The following CLVS1 variants were observed in gnomAD, a reference collection of about 807,000 sequenced individuals.
CLVS1 encodes clavesin-1.
CLVS1 carries 10 observed loss-of-function variants against 33.1 expected under a neutral mutation model. The ratio of observed to expected loss-of-function variants is 0.30; its 90% CI spans 0.19 to 0.51. CLVS1 has a LOEUF of 0.51. Among genes scored for constraint, CLVS1 ranks in the 20% least tolerant of loss-of-function variants. CLVS1 has a pLI of 0.97. For synonymous variants in CLVS1, 163 were observed against 166.1 expected (o/e 0.98, Z 0.14); for missense variants, 343 against 433.4 (o/e 0.79, Z 1.85).
chr8:61,501,318 A>ACTT lies in CLVS1; in HGVS notation c.*1777_*1779dup, dbSNP rs1236058055. 3 of 152,188 alleles carry ACTT rather than the reference A, an allele frequency of 2.0e-5. No individual in the cohort carries two copies. The East Asian group carries it at 5.8e-4, about 29-fold the overall frequency. The allele number at this position is 152,188 out of a possible 1,614,324, so 9.4% of individuals were successfully genotyped here. Reference sequence around the variant, plus strand: ...GCTATTGGAGTCAATTATTGACAACACTTTGCAACAGTAATACCATTTCTA... The same window carrying ACTT: ...GCTATTGGAGTCAATTATTGACAACACTTCTTTGCAACAGTAATACCATTTCTA... On this transcript the variant is annotated 3_prime_UTR_variant, in exon 6 of 6. Transcript: ENST00000325897.
intron 5 of CLVS1, among the ~76,000 whole-genome samples, chr8:61,461,347 G>A (rs992210440): frequency 1.3e-5 from 2 of 152,092 alleles, no homozygotes; most frequent in African/African-American, 2.4e-5. Context: ...TAAATTTGAT[G>A]TTTGTTCTTG....
chr8:61,139,270 C>T (rs1427074933), intron 2 of CLVS1, among the ~76,000 whole-genome samples: 8 of 152,214 alleles, frequency 5.3e-5, no homozygotes, highest in African/African-American at 1.9e-4. Context: ...GCAGCGGAAC[C>T]GCAGGACCCC....
chr8:61,254,965 G>C (rs1282632376), intron 2 of CLVS1, among the ~76,000 whole-genome samples: 2 of 152,164 alleles, frequency 1.3e-5, no homozygotes, highest in Non-Finnish European at 2.9e-5. Flanking sequence ...ACCTCAGTTG[G>C]AAATGCAGAA....
chr8:61,310,564 GTC>G (rs1810796671), intron 2 of CLVS1, among the ~76,000 whole-genome samples: 1 of 152,174 alleles, frequency 6.6e-6, no homozygotes, highest in South Asian at 2.1e-4. Context: ...GTCACTTGAG[GTC>G]TCAAAATACT....
intron 3 of CLVS1, among the ~76,000 whole-genome samples, chr8:61,444,146 T>A (rs1816669990): frequency 6.6e-6 from 1 of 152,230 alleles, no homozygotes; most frequent in Non-Finnish European, 1.5e-5. Context: ...TTGGGATTTT[T>A]TAATGTAGAC....
intron 3 of CLVS1, among the ~76,000 whole-genome samples, chr8:61,452,850 A>G (rs1563559208): frequency 6.6e-6 from 1 of 152,248 alleles, no homozygotes; most frequent in Non-Finnish European, 1.5e-5. Context: ...AAAGTTTTTC[A>G]AATGGCAACC....
intron 2 of CLVS1, among the ~76,000 whole-genome samples, chr8:61,178,869 C>T (rs559402436): frequency 4.6e-4 from 70 of 152,220 alleles, no homozygotes; most frequent in South Asian, 1.9e-3. Flanking sequence ...AAAGGAAAAA[C>T]CAGTATCCAC....
chr8:61,348,484 AAAT>A (rs889268263), intron 2 of CLVS1, among the ~76,000 whole-genome samples: 13 of 152,222 alleles, frequency 8.5e-5, no homozygotes, highest in South Asian at 4.1e-4. Context: ...GTATAATAAA[AAAT>A]AATAATAATA....
At chr8:61,370,187 G>C (rs915313216) in intron 2 of CLVS1, among the ~76,000 whole-genome samples, 1 of 108,414 alleles carries the variant, frequency 9.2e-6, no homozygotes, top group Non-Finnish European at 2.3e-5. Flanking sequence ...TGGGCAAAGA[G>C]TTTTTTTATA....
intron 1 of CLVS1, among the ~76,000 whole-genome samples, chr8:61,121,298 G>A (rs1012296311): frequency 3.1e-4 from 47 of 151,912 alleles, no homozygotes; most frequent in East Asian, 1.4e-3. Flanking sequence ...AGATGAACCC[G>A]GTACCTCAGA....
intron 5 of CLVS1, among the ~76,000 whole-genome samples, chr8:61,463,782 T>C (rs975668500): frequency 6.6e-5 from 10 of 152,056 alleles, no homozygotes; most frequent in Non-Finnish European, 4.4e-5. Flanking sequence ...AATAAAAAGT[T>C]TGGGCCGGGT....
At position 61,263,506 on chromosome 8, in the gene CLVS1, C is replaced by T. The variant is rs146848287; in HGVS notation, c.-151-36171C>T. On this transcript the variant is annotated intron_variant, in intron 2 of 2. Transcript: ENST00000522621. ...TCAGTTCCTGTCTAACTCCTTTCGT[C>T]GGCTCTTATTTATAATCCATGATGT... Among the ~76,000 whole-genome samples the T allele has an allele frequency of 1.8e-3, 281 of 152,260 alleles. 1 individual carries two copies. The highest frequency in any genetic ancestry group is 6.4e-3 in the African/African-American group (264 of 41,554).
chr8:61,137,646 C>T (rs1194279112), intron 2 of CLVS1, among the ~76,000 whole-genome samples: 1 of 152,192 alleles, frequency 6.6e-6, no homozygotes, highest in East Asian at 1.9e-4. Flanking sequence ...TGTTTCTCTG[C>T]TATGTCCTCA....
rs1393951251 is a variant in CLVS1, at chr8:61,275,523, C to T, written c.-151-24154C>T. 3.3e-5 allele frequency among the ~76,000 whole-genome samples: 5 copies of T among 152,150 alleles called. No homozygotes were observed. The East Asian group carries it at 7.7e-4, about 23-fold the overall frequency. The stretch of plus-strand genomic sequence containing the variant: ...GTCAGAACAAACTAAAAATTTAGGT[C>T]GTTAATATAACACTTCATATATTTG... On this transcript the variant is annotated intron_variant, in intron 2 of 2. Transcript: ENST00000522621.
At chr8:61,470,928 C>T (rs190744757) in intron 5 of CLVS1, among the ~76,000 whole-genome samples, 13 of 152,282 alleles carry the variant, frequency 8.5e-5, no homozygotes, top group South Asian at 2.1e-4. Context: ...CCACTTAGAA[C>T]GCACCTCTCA....
At chr8:61,337,654 C>G (rs922657464) in intron 2 of CLVS1, among the ~76,000 whole-genome samples, 1 of 152,156 alleles carries the variant, frequency 6.6e-6, no homozygotes, top group Non-Finnish European at 1.5e-5. Flanking sequence ...ATGTGTCTTC[C>G]CATACAACCA....
intron 2 of CLVS1, among the ~76,000 whole-genome samples, chr8:61,354,512 C>A (rs1466727409): frequency 8.6e-5 from 13 of 151,940 alleles, no homozygotes; most frequent in Admixed American, 8.5e-4. Context: ...CCTATATTCA[C>A]AAAAAAGCCT....
chr8:61,176,049 A>G (rs961560004), intron 2 of CLVS1, among the ~76,000 whole-genome samples: 2 of 152,318 alleles, frequency 1.3e-5, no homozygotes, highest in Admixed American at 6.5e-5. Flanking sequence ...TTACAGAGTT[A>G]AGGGCAATTG....
At chr8:61,355,288 C>CT (rs77838180) in intron 2 of CLVS1, among the ~76,000 whole-genome samples, 2,536 of 145,736 alleles carry the variant, frequency 0.017, 57 homozygotes, top group African/African-American at 0.059. Flanking sequence ...GAAGAAGTTT[C>CT]TTTTTTTTTT....
Sources: gnomAD v4.1 joint callset for allele counts (sites outside exome capture counted in the v4.1 genomes callset) on GRCh38, gnomAD v4.1.1 for gene constraint, MANE v1.5 for transcripts, NCBI Gene and HGNC (gene_info 2026-07-23, HGNC 2026-07-21) for gene names.